The following RBMS3 variants were observed in gnomAD, a reference collection of about 807,000 sequenced individuals.
RBMS3 encodes RNA-binding motif, single-stranded-interacting protein 3.
In RBMS3, 27 loss-of-function variants were observed where a neutral mutation model predicts 66.8. The observed-to-expected ratio is 0.40, with a 90% CI of 0.30 to 0.56. The LOEUF (loss-of-function observed/expected upper bound fraction) is 0.56. Ranked by LOEUF, RBMS3 falls within the 20% of genes least tolerant of loss-of-function variation. The pLI is 0.40. For missense variants in RBMS3, 513 were observed against 549.5 expected (o/e 0.93, Z 0.66); for synonymous variants, 188 against 183.0 (o/e 1.03, Z -0.22).
chr3:29,304,478 A>G (rs1465662073), intron 1 of RBMS3, among the ~76,000 whole-genome samples: 1 of 151,944 alleles, frequency 6.6e-6, no homozygotes, highest in African/African-American at 2.4e-5. Flanking sequence ...GGATCAATTG[A>G]TAACACAATC....
At chr3:29,671,075 A>C (rs577403530) in intron 4 of RBMS3, among the ~76,000 whole-genome samples, 56 of 152,296 alleles carry the variant, frequency 3.7e-4, no homozygotes, top group African/African-American at 1.3e-3. Context: ...ATCAGACAGC[A>C]ACATTTGCTG....
intron 4 of RBMS3, among the ~76,000 whole-genome samples, chr3:29,600,935 A>T (rs1053331753): frequency 1.3e-5 from 2 of 152,072 alleles, no homozygotes; most frequent in Non-Finnish European, 1.5e-5. Flanking sequence ...TAAAAAAGAT[A>T]ATAAATGTGA....
At chr3:29,485,241 T>C (rs1429875669) in intron 2 of RBMS3, among the ~76,000 whole-genome samples, 2 of 152,176 alleles carry the variant, frequency 1.3e-5, no homozygotes, top group Non-Finnish European at 2.9e-5. Flanking sequence ...AAAAATTAAA[T>C]ATGAAAATTG....
In RBMS3 at chr3:30,002,712, G is replaced by A. The variant is rs563342110; in HGVS notation, c.1308-1144G>A. Among the ~76,000 whole-genome samples the A allele has an allele frequency of 2.3e-4, 35 of 152,024 alleles. No homozygotes were observed. The East Asian group carries it at 5.0e-3, about 22-fold the overall frequency. ...AGTTGCTTTCCTCACATGATTTTAG[G>A]AAGAAATTAATCAGGTTCCTAATTG... On this transcript the variant is annotated intron_variant, in intron 14 of 14. Transcript: ENST00000383767.
intron 8 of RBMS3, among the ~76,000 whole-genome samples, chr3:29,891,819 C>T (rs1470362494): frequency 2.6e-5 from 4 of 151,428 alleles, no homozygotes; most frequent in African/African-American, 7.3e-5. Flanking sequence ...GTGAAGGATA[C>T]GTTGGTATTA....
At chr3:29,834,061 T>A (rs1196129909) in intron 6 of RBMS3, among the ~76,000 whole-genome samples, 1 of 151,502 alleles carries the variant, frequency 6.6e-6, no homozygotes, top group Non-Finnish European at 1.5e-5. Flanking sequence ...TGGAAAAAAA[T>A]TACAAAACAA....
intron 1 of RBMS3, among the ~76,000 whole-genome samples, chr3:29,363,012 A>C (rs1416302465): frequency 6.6e-6 from 1 of 152,150 alleles, no homozygotes; most frequent in African/African-American, 2.4e-5. Flanking sequence ...TGCCCCTCTC[A>C]TCTGTCCATA....
intron 1 of RBMS3, among the ~76,000 whole-genome samples, chr3:29,341,415 A>C (rs1202764628): frequency 6.6e-6 from 1 of 152,134 alleles, no homozygotes; most frequent in Non-Finnish European, 1.5e-5. Context: ...TATTAATTCT[A>C]AAATCCGTGG....
intron 4 of RBMS3, among the ~76,000 whole-genome samples, chr3:29,721,655 T>C (rs1019988209): frequency 3.3e-5 from 5 of 151,860 alleles, no homozygotes; most frequent in Non-Finnish European, 7.4e-5. Context: ...GTGGATGAGG[T>C]TGTAAACTCA....
chr3:29,472,725 A>T (rs911432248), intron 2 of RBMS3, among the ~76,000 whole-genome samples: 5 of 148,502 alleles, frequency 3.4e-5, no homozygotes, highest in African/African-American at 1.2e-4. Context: ...CGCTGGCTTC[A>T]GGAGTGAAGC....
chr3:29,544,131 T>C (rs2045862998), intron 3 of RBMS3, among the ~76,000 whole-genome samples: 2 of 152,132 alleles, frequency 1.3e-5, no homozygotes, highest in South Asian at 4.1e-4. Context: ...CTGATCCAAT[T>C]CTATCTTACA....
intron 6 of RBMS3, among the ~76,000 whole-genome samples, chr3:29,816,144 T>C (rs952532488): frequency 7.9e-5 from 12 of 152,128 alleles, no homozygotes; most frequent in African/African-American, 2.9e-4. Flanking sequence ...CTTTCTGACA[T>C]ATGGTTTGAC....
intron 1 of RBMS3, among the ~76,000 whole-genome samples, chr3:29,383,350 T>C (rs533370409): frequency 6.6e-6 from 1 of 152,356 alleles, no homozygotes; most frequent in East Asian, 1.9e-4. Context: ...CTGTCCTTTT[T>C]GATTTTGCCT....
At chr3:29,307,756 G>A (rs941772158) in intron 1 of RBMS3, among the ~76,000 whole-genome samples, 2 of 151,880 alleles carry the variant, frequency 1.3e-5, no homozygotes, top group African/African-American at 4.8e-5. Flanking sequence ...TTTTATTCTA[G>A]CAGTGTGGAA....
intron 6 of RBMS3, among the ~76,000 whole-genome samples, chr3:29,865,961 T>C (rs1234430602): frequency 6.6e-6 from 1 of 151,246 alleles, no homozygotes; most frequent in Non-Finnish European, 1.5e-5. Flanking sequence ...CTTCCTTCAC[T>C]GGTAAAATAG....
chr3:29,661,931 C>G (rs2050569566), intron 4 of RBMS3, among the ~76,000 whole-genome samples: 1 of 152,208 alleles, frequency 6.6e-6, no homozygotes, highest in Admixed American at 6.5e-5. Context: ...ACCTGATCAA[C>G]ATCTCAGTTC....
chr3:29,508,903 G>A lies in RBMS3; in HGVS notation c.307+20404G>A, dbSNP rs183156287. 9.0e-4 allele frequency among the ~76,000 whole-genome samples: 124 copies of A among 138,052 alleles called. 1 individual carries two copies. The highest frequency in any genetic ancestry group is 1.6e-3 in the South Asian group (6 of 3,838). The allele number at this position is 138,052 out of a possible 152,430, so 90.6% of individuals were successfully genotyped here. A position where few individuals can be genotyped will look rare whatever the true frequency, so the allele number is the denominator to read the frequency against. On this transcript the variant is annotated intron_variant, in intron 3 of 14. Coordinates refer to ENST00000383767, the MANE Select transcript of RBMS3 (RefSeq NM_001003793.3). ...TAATGATCGCCATTCTAACTGGCGC[G>A]AGATGGTATCTCATGGTGGTTTTGA...
intron 6 of RBMS3, among the ~76,000 whole-genome samples, chr3:29,822,478 A>C (rs1346492161): frequency 6.6e-6 from 1 of 152,190 alleles, no homozygotes; most frequent in Admixed American, 6.5e-5. Context: ...TGGTGGAATA[A>C]ATGGATAGTC....
chr3:29,519,064 A>G (rs905854946), intron 3 of RBMS3, among the ~76,000 whole-genome samples: 2 of 152,222 alleles, frequency 1.3e-5, no homozygotes, highest in African/African-American at 4.8e-5. Flanking sequence ...TAATAATAGC[A>G]TGAACTGGCA....
Sources: gnomAD v4.1 joint callset for allele counts (sites outside exome capture counted in the v4.1 genomes callset) on GRCh38, gnomAD v4.1.1 for gene constraint, MANE v1.5 for transcripts, NCBI Gene and HGNC (gene_info 2026-07-23, HGNC 2026-07-21) for gene names.